Variants in LRTM2 observed in about 807,000 individuals in gnomAD.
LRTM2 encodes leucine rich repeat transmembrane protein 2.
In LRTM2, 18 loss-of-function variants were observed where a neutral mutation model predicts 28.1. The observed-to-expected ratio is 0.64, with a 90% CI of 0.44 to 0.95. The LOEUF (loss-of-function observed/expected upper bound fraction) is 0.95, where lower values mean the gene tolerates loss of function less well. Ranked by LOEUF, LRTM2 falls within the 40% of genes least tolerant of loss-of-function variation. The pLI is 0.00. For missense variants in LRTM2, 436 were observed against 497.2 expected, an observed-to-expected ratio of 0.88 and a Z score of 1.17; for synonymous variants, 250 against 218.7, an observed-to-expected ratio of 1.14 and a Z score of -1.26.
chr12:1,834,286 TG>T lies in LRTM2; in HGVS notation c.679del (p.Ala227ProfsTer8). On this transcript the variant is annotated frameshift_variant, in exon 5 of 5. Coordinates refer to ENST00000299194, the MANE Select transcript of LRTM2 (RefSeq NM_001039029.3). LOFTEE classifies it high-confidence loss of function. This position sits in a 1 kb window ranked among gnomAD's most constrained non-coding sequence, Gnocchi z 7.6. ...SYRGGRLDQL[A>X]CTLPKELRGK... The stretch of plus-strand genomic sequence containing the variant: ...ATGTAGGGGGACGCTTGGACCAGCT[TG>T]CCTGCACCCTGCCCAAGGAGCTGAG... The T allele has an allele frequency of 6.3e-7, 1 of 1,593,160 alleles. No individual in the cohort carries two copies. The highest frequency in any genetic ancestry group is 8.6e-7 in the Non-Finnish European group (1 of 1,168,016).
In LRTM2 at chr12:1,828,265, C is replaced by T. The variant is rs752744996; in HGVS notation, c.67+50C>T. On this transcript the variant is annotated intron_variant, in intron 3 of 4. Transcript: ENST00000299194. This position sits in a 1 kb window ranked among gnomAD's most constrained non-coding sequence, Gnocchi z 4.2. Reference sequence around the variant, plus strand: ...GGGGGTGCGGGTTGGGTGGGGGTGCCGAGGTGACTGTAGGTAGCGCCATAT... The same window carrying T: ...GGGGGTGCGGGTTGGGTGGGGGTGCTGAGGTGACTGTAGGTAGCGCCATAT... The T allele has an allele frequency of 6.2e-5, 91 of 1,475,132 alleles. No individual in the cohort carries two copies. The highest frequency in any genetic ancestry group is 7.4e-5 in the Non-Finnish European group (81 of 1,095,222). 91.4% of individuals were successfully genotyped at this position (1,475,132 alleles called of 1,614,324 possible). A position where few individuals can be genotyped will look rare whatever the true frequency, so the allele number is the denominator to read the frequency against.
Position 1,836,492 on chromosome 12 carries a change from GGTCA to G in LRTM2, c.*1775_*1778del, listed in dbSNP as rs1242871285. The G allele has an allele frequency of 4.7e-4, 72 of 152,462 alleles. No homozygotes were observed. Among genetic ancestry groups the G allele is most frequent in the African/African-American group, 1.7e-3 (72 of 41,572 alleles). The allele number at this position is 152,462 out of a possible 1,614,324, so 9.4% of individuals were successfully genotyped here. A position where few individuals can be genotyped will look rare whatever the true frequency, so the allele number is the denominator to read the frequency against. On this transcript the variant is annotated 3_prime_UTR_variant, in exon 5 of 5. Coordinates refer to ENST00000299194, the MANE Select transcript of LRTM2 (RefSeq NM_001039029.3). ...GGGCCTGGAGGAGTGCCTTTGAGGA[GGTCA>G]GTCCTGGCAGGTGGACAGAGGACGC...
rs144343381 is a variant in LRTM2 at position 1,827,549 on chromosome 12, C to T, written c.-119C>T. 5.1e-3 allele frequency: 774 copies of T among 153,054 alleles called. 3 individuals are homozygous for T. The highest frequency in any genetic ancestry group is 5.9e-3 in the Non-Finnish European group (401 of 68,260). The allele number at this position is 153,054 out of a possible 1,614,324, so 9.5% of individuals were successfully genotyped here. ...GCCATCCAGCGGCTCACACCCTACG[C>T]GGCTGCAGCTGCCAAGGGCCTGGCC... On this transcript the variant is annotated 5_prime_UTR_variant, in exon 2 of 5. Coordinates refer to ENST00000299194, the MANE Select transcript of LRTM2 (RefSeq NM_001039029.3).
At chr12:1,824,533 C>T (rs1334230626) in intron 1 of LRTM2, among the ~76,000 whole-genome samples, 1 of 152,210 alleles carries the variant, frequency 6.6e-6, no homozygotes, top group Non-Finnish European at 1.5e-5. Context: ...TTTGGCCTCC[C>T]TGTCTCTAGG....
chr12:1,831,659 C>A, intron 4 of LRTM2, 134 bp downstream of exon 4: 1 of 722,064 alleles, frequency 1.4e-6, no homozygotes, highest in Non-Finnish European at 2.3e-6. Flanking sequence ...TGCCTCTGTG[C>A]CAGCTCGGCT....
Position 1,829,631 on chromosome 12 carries a change from A to G in LRTM2, c.68-1304A>G, listed in dbSNP as rs201180422. On this transcript the variant is annotated intron_variant, in intron 3 of 4. Coordinates refer to ENST00000299194, the MANE Select transcript of LRTM2 (RefSeq NM_001039029.3). The surrounding 1 kb of genome is among the most constrained non-coding windows in gnomAD (Gnocchi z 4.2). ...TTCAAGCTCCACCCTTTGGGACAGC[A>G]GACACCCAGACCCCTACTGGACAAG... Among the ~76,000 whole-genome samples, 15 of 151,788 alleles carry G rather than the reference A, an allele frequency of 9.9e-5. No individual in the cohort carries two copies. In the East Asian group the frequency reaches 2.9e-3, roughly 30 times the overall value.
intron 1 of LRTM2, among the ~76,000 whole-genome samples, chr12:1,822,387 G>A (rs911625613): frequency 2.0e-5 from 3 of 152,108 alleles, no homozygotes; most frequent in Non-Finnish European, 4.4e-5. Context: ...CATAGAGGCT[G>A]TCTGCCCCTC....
chr12:1,825,457 G>A lies in LRTM2; in HGVS notation c.-258-1953G>A, dbSNP rs571907910. Among the ~76,000 whole-genome samples the A allele has an allele frequency of 6.1e-4, 93 of 152,336 alleles. 1 individual carries two copies. The highest frequency in any genetic ancestry group is 2.1e-3 in the African/African-American group (89 of 41,570). On this transcript the variant is annotated intron_variant, in intron 1 of 4. Coordinates refer to ENST00000299194, the MANE Select transcript of LRTM2 (RefSeq NM_001039029.3). ...ATGGGTTAGGGACTGCTCTGCAGGG[G>A]TTCTCTCTAGACCTTAGTTCCAGGC...
In LRTM2 at chr12:1,836,191, A is replaced by C. The variant is rs2154447440; in HGVS notation, c.*1470A>C. 6.6e-6 allele frequency: 1 copy of C among 152,670 alleles called. No homozygotes were observed. Among genetic ancestry groups the C allele is most frequent in the East Asian group, 1.9e-4 (1 of 5,192 alleles). The allele number at this position is 152,670 out of a possible 1,614,324, so 9.5% of individuals were successfully genotyped here. On this transcript the variant is annotated 3_prime_UTR_variant, in exon 5 of 5. Coordinates refer to ENST00000299194, the MANE Select transcript of LRTM2 (RefSeq NM_001039029.3). ...GTCTGGGACAGAGCCACCTGCTGCC[A>C]AGGCAGTGCAAGTTTTCCAGGTTAC...
chr12:1,833,431 CTG>C lies in LRTM2; in HGVS notation c.659-832_659-831del, dbSNP rs1864717849. Among the ~76,000 whole-genome samples the C allele has an allele frequency of 6.6e-6, 1 of 152,208 alleles. No homozygotes were observed. The highest frequency in any genetic ancestry group is 2.4e-5 in the African/African-American group (1 of 41,446). ...CTCTCACCCCAGCCCTGTCCTGCAT[CTG>C]TGTCTCCCTCTGTCCAAGCCAGCCT... On this transcript the variant is annotated intron_variant, in intron 4 of 4. Transcript: ENST00000299194. This position sits in a 1 kb window ranked among gnomAD's most constrained non-coding sequence, Gnocchi z 4.2.
chr12:1,834,394 G>A lies in LRTM2; in HGVS notation c.786G>A (p.Leu262=), dbSNP rs745866246. The A allele has an allele frequency of 6.2e-7, 1 of 1,613,092 alleles. No individual in the cohort carries two copies. The highest frequency in any genetic ancestry group is 1.1e-5 in the South Asian group (1 of 91,078). The stretch of plus-strand genomic sequence containing the variant: ...AGGACGAGAATAGCTCAGCTGGGCT[G>A]GATATTCCTGGGCCACCCTGCACCA... ...QLEDENSSAG[L]DIPGPPCTKA... is the part of the protein sequence containing the mutation. The change falls in exon 5 of 5, where the codon CTG becomes CTA. Residue 262 remains leucine, a synonymous_variant. Transcript: ENST00000299194. This position sits in a 1 kb window ranked among gnomAD's most constrained non-coding sequence, Gnocchi z 7.6.
intron 1 of LRTM2, among the ~76,000 whole-genome samples, chr12:1,823,025 G>A (rs1864171963): frequency 6.6e-6 from 1 of 152,196 alleles, no homozygotes; most frequent in Admixed American, 6.5e-5. Flanking sequence ...GAAGGGGGCG[G>A]CAGAGTAGGC....
intron 2 of LRTM2, chr12:1,827,846 G>A (rs575561561): frequency 1.2e-4 from 44 of 353,124 alleles, no homozygotes; most frequent in Non-Finnish European, 1.9e-4. Context: ...CCAGCTTTGC[G>A]GCACTGTGCC....
rs1864735381 is a variant in LRTM2, at chr12:1,833,822, C to G, written c.659-445C>G. Among the ~76,000 whole-genome samples the G allele has an allele frequency of 6.6e-6, 1 of 152,136 alleles. No individual in the cohort carries two copies. Among genetic ancestry groups the G allele is most frequent in the Non-Finnish European group, 1.5e-5 (1 of 68,026 alleles). ...AAGATGCTGTGTTGAGAACGGTATC[C>G]TGGGCTCACAGACAGGTGATGAGCA... is the stretch of plus-strand genomic sequence containing the variant. On this transcript the variant is annotated intron_variant, in intron 4 of 4. Coordinates refer to ENST00000299194, the MANE Select transcript of LRTM2 (RefSeq NM_001039029.3). The surrounding 1 kb of genome is among the most constrained non-coding windows in gnomAD (Gnocchi z 4.2).
At chr12:1,825,754 T>G (rs10491960) in intron 1 of LRTM2, among the ~76,000 whole-genome samples, 71,862 of 152,014 alleles carry the variant, frequency 0.47, 19,377 homozygotes, top group East Asian at 0.81. Flanking sequence ...CACACGTAAG[T>G]ATCTCCCTGA....
chr12:1,823,838 C>T (rs1234602370), intron 1 of LRTM2, among the ~76,000 whole-genome samples: 2 of 152,222 alleles, frequency 1.3e-5, no homozygotes, highest in African/African-American at 4.8e-5. Flanking sequence ...GCCGTGGACA[C>T]TGCAGAGGAC....
rs1229900676 is a variant in LRTM2 at position 1,833,052 on chromosome 12, T to C, written c.659-1215T>C. Among the ~76,000 whole-genome samples the C allele has an allele frequency of 6.6e-6, 1 of 152,138 alleles. No individual in the cohort carries two copies. Among genetic ancestry groups the C allele is most frequent in the Non-Finnish European group, 1.5e-5 (1 of 68,014 alleles). ...GGCCGGGTGTCTTCAGACCCTCCTCTCCTGTGGTCGCCGGGAACTGAATTC... is the reference window on the plus strand; with the variant it reads ...GGCCGGGTGTCTTCAGACCCTCCTCCCCTGTGGTCGCCGGGAACTGAATTC... On this transcript the variant is annotated intron_variant, in intron 4 of 4. Coordinates refer to ENST00000299194, the MANE Select transcript of LRTM2 (RefSeq NM_001039029.3). The surrounding 1 kb of genome is among the most constrained non-coding windows in gnomAD (Gnocchi z 4.2).
intron 1 of LRTM2, among the ~76,000 whole-genome samples, chr12:1,822,666 A>C (rs1864154432): frequency 6.6e-6 from 1 of 152,224 alleles, no homozygotes. Flanking sequence ...ATGTGTTTTA[A>C]AATGAACCAG....
At chr12:1,825,352 G>A (rs941210958) in intron 1 of LRTM2, among the ~76,000 whole-genome samples, 3 of 152,214 alleles carry the variant, frequency 2.0e-5, no homozygotes, top group Non-Finnish European at 4.4e-5. Flanking sequence ...ATCTGCCTGC[G>A]GCAAGCCAGA....
Sources: gnomAD v4.1 joint callset for allele counts (sites outside exome capture counted in the v4.1 genomes callset) on GRCh38, gnomAD v4.1.1 for gene constraint, Gnocchi (gnomAD v3.1) non-coding constraint, MANE v1.5 for transcripts, NCBI Gene and HGNC (gene_info 2026-07-23, HGNC 2026-07-21) for gene names.